Variants in DDX4 observed in about 807,000 individuals in gnomAD.
The protein encoded by DDX4 is DEAD-box helicase 4.
A neutral mutation model predicts 100.0 loss-of-function variants in DDX4; 25 were observed. The ratio of observed to expected loss-of-function variants is 0.25; its 90% CI spans 0.18 to 0.35. DDX4 has a LOEUF of 0.35. DDX4 is among the 10% of genes least tolerant of loss of function. The pLI is 1.00. For missense variants in DDX4, 635 were observed against 882.4 expected (o/e 0.72, Z 3.55); for synonymous variants, 259 against 275.7 (o/e 0.94, Z 0.60).
intron 18 of DDX4, among the ~76,000 whole-genome samples, chr5:55,804,820 C>A (rs1743587019): frequency 6.6e-6 from 1 of 151,920 alleles, no homozygotes; most frequent in African/African-American, 2.4e-5. Flanking sequence ...TTTTTTGGTT[C>A]CATATGAACT....
At chr5:55,791,675 G>T (rs982584436) in intron 16 of DDX4, among the ~76,000 whole-genome samples, 2 of 152,014 alleles carry the variant, frequency 1.3e-5, no homozygotes, top group South Asian at 2.1e-4. Flanking sequence ...CTATAATCTA[G>T]ATCTGTATTG....
At chr5:55,815,774 CT>C (rs67244556) in intron 21 of DDX4, among the ~76,000 whole-genome samples, 52,752 of 135,778 alleles carry the variant, frequency 0.39, 10,475 homozygotes, top group African/African-American at 0.53. Flanking sequence ...TTTTTCTTTT[CT>C]TTTTTTTTTT....
At chr5:55,759,520 C>G (rs954404952) in intron 3 of DDX4, among the ~76,000 whole-genome samples, 1 of 152,092 alleles carries the variant, frequency 6.6e-6, no homozygotes, top group Non-Finnish European at 1.5e-5. Context: ...CATTATGGCC[C>G]TTCTACATGG....
At chr5:55,746,132 G>A (rs1463664684) in intron 2 of DDX4, 32 bp from the exon 3 acceptor site, 4 of 1,550,396 alleles carry the variant, frequency 2.6e-6, no homozygotes, top group African/African-American at 1.4e-5. Flanking sequence ...TTCAAAGTAG[G>A]AAACTAGTTT....
intron 3 of DDX4, among the ~76,000 whole-genome samples, chr5:55,751,150 T>C (rs181484049): frequency 1.3e-5 from 2 of 152,378 alleles, no homozygotes; most frequent in Non-Finnish European, 2.9e-5. Flanking sequence ...AGGGTTCTCA[T>C]AGTCCCTATA....
intron 3 of DDX4, among the ~76,000 whole-genome samples, chr5:55,758,105 T>C (rs774233639): frequency 1.4e-4 from 22 of 152,190 alleles, no homozygotes; most frequent in Non-Finnish European, 2.1e-4. Context: ...TTTGCTGTTA[T>C]GAACAAACTC....
At chr5:55,802,811 G>A (rs1329968824) in intron 18 of DDX4, among the ~76,000 whole-genome samples, 1 of 152,114 alleles carries the variant, frequency 6.6e-6, no homozygotes, top group African/African-American at 2.4e-5. Context: ...AATATTGAGG[G>A]TCTGAGGAAG....
chr5:55,769,326 C>T (rs145777084), intron 7 of DDX4, among the ~76,000 whole-genome samples: 3,683 of 152,208 alleles, frequency 0.024, 58 homozygotes, highest in South Asian at 0.051. Context: ...TTTCAATCTT[C>T]TGCATATGGC....
At chr5:55,761,116 G>A (rs1011384563) in intron 4 of DDX4, among the ~76,000 whole-genome samples, 4 of 152,016 alleles carry the variant, frequency 2.6e-5, no homozygotes, top group African/African-American at 7.2e-5. Context: ...ACACAAATTT[G>A]AGTTTTATAT....
chr5:55,749,001 G>T (rs1310014526), intron 3 of DDX4, among the ~76,000 whole-genome samples: 1 of 152,070 alleles, frequency 6.6e-6, no homozygotes, highest in Non-Finnish European at 1.5e-5. Context: ...GTATTTTATA[G>T]AAATGGAATC....
chr5:55,785,921 T>TA (rs1286858025), intron 13 of DDX4, 50 bp downstream of exon 13: 1 of 1,302,126 alleles, frequency 7.7e-7, no homozygotes, highest in African/African-American at 1.5e-5. Context: ...ACTTTGCCTT[T>TA]AAAATACATT....
intron 12 of DDX4, 90 bp from the exon 13 acceptor site, chr5:55,785,639 A>C: frequency 7.5e-7 from 1 of 1,337,522 alleles, no homozygotes; most frequent in Non-Finnish European, 1.0e-6. Context: ...ATAGTATTTA[A>C]AATTTGATCT....
chr5:55,746,375 A>G (rs1759250976), intron 3 of DDX4, among the ~76,000 whole-genome samples, 154 bp downstream of exon 3: 1 of 152,206 alleles, frequency 6.6e-6, no homozygotes, highest in African/African-American at 2.4e-5. Context: ...GAATGGGGGT[A>G]CTTCTAGTTA....
intron 17 of DDX4, among the ~76,000 whole-genome samples, chr5:55,795,347 G>A (rs1384977335): frequency 1.3e-5 from 2 of 152,180 alleles, no homozygotes; most frequent in African/African-American, 2.4e-5. Context: ...AAAATAGAAC[G>A]TAATTTTTCT....
At chr5:55,774,900 C>T (rs1398703403) in intron 7 of DDX4, among the ~76,000 whole-genome samples, 3 of 152,132 alleles carry the variant, frequency 2.0e-5, no homozygotes, top group South Asian at 4.1e-4. Flanking sequence ...ATCTCTATAA[C>T]ATAAAATTCC....
At chr5:55,794,172 G>A (rs569167981) in intron 17 of DDX4, among the ~76,000 whole-genome samples, 3 of 149,848 alleles carry the variant, frequency 2.0e-5, no homozygotes, top group African/African-American at 7.4e-5. Flanking sequence ...CAATTGAATA[G>A]TATTTTCTTT....
intron 18 of DDX4, among the ~76,000 whole-genome samples, chr5:55,799,160 T>G (rs1743146049): frequency 6.6e-6 from 1 of 152,140 alleles, no homozygotes; most frequent in African/African-American, 2.4e-5. Context: ...CTCAAACTCC[T>G]GGCCTCAAGC....
intron 3 of DDX4, among the ~76,000 whole-genome samples, chr5:55,749,581 A>T (rs955083548): frequency 2.0e-5 from 3 of 152,062 alleles, no homozygotes; most frequent in Non-Finnish European, 1.5e-5. Context: ...TGTTTGGGAG[A>T]GCAGGATCCT....
intron 18 of DDX4, among the ~76,000 whole-genome samples, chr5:55,803,832 G>A (rs1041652778): frequency 5.3e-5 from 8 of 152,118 alleles, no homozygotes. Context: ...AGTCCTTTGG[G>A]TATGTACCCA....
Sources: allele counts gnomAD v4.1 joint callset (sites outside exome capture counted in the v4.1 genomes callset), GRCh38; gene constraint gnomAD v4.1.1; transcripts MANE v1.5; gene names NCBI Gene and HGNC (gene_info 2026-07-23, HGNC 2026-07-21).